Variants in MTM1 observed in about 807,000 individuals in gnomAD.
The protein encoded by MTM1 is myotubularin 1, also known as myotubularin.
MTM1 carries 9 observed loss-of-function variants against 52.1 expected under a neutral mutation model. That is an observed-to-expected ratio of 0.17 (90% CI 0.10 to 0.30). MTM1 has a LOEUF of 0.30. Among genes scored for constraint, MTM1 ranks in the 10% least tolerant of loss-of-function variants. MTM1 has a pLI of 1.00. For synonymous variants in MTM1, 136 were observed against 163.8 expected (o/e 0.83, Z 1.29); for missense variants, 277 against 470.7 (o/e 0.59, Z 3.81).
intron 4 of MTM1, among the ~76,000 whole-genome samples, chrX:150,603,830 A>G (rs1448191857): frequency 9.0e-6 from 1 of 111,726 alleles, no homozygotes; most frequent in Admixed American, 9.5e-5. Flanking sequence ...TAACATAAAA[A>G]GATATGGGCT....
intron 1 of MTM1, among the ~76,000 whole-genome samples, chrX:150,590,617 A>G (rs1443290265): frequency 9.0e-6 from 1 of 111,707 alleles, no homozygotes; most frequent in Non-Finnish European, 1.9e-5. Flanking sequence ...AAAACAGTTA[A>G]ATGAAGGGAA....
chrX:150,600,320 G>A (rs2039047457), intron 4 of MTM1, among the ~76,000 whole-genome samples: 1 of 112,037 alleles, frequency 8.9e-6, no homozygotes, highest in Non-Finnish European at 1.9e-5. Flanking sequence ...AATTGATATA[G>A]ATAACAATTA....
chrX:150,643,070 G>A (rs954191367), intron 8 of MTM1, among the ~76,000 whole-genome samples: 1 of 111,239 alleles, frequency 9.0e-6, no homozygotes. Context: ...ACTATTAAGC[G>A]TGGTAATATG....
chrX:150,652,656 T>TACACACACAC lies in MTM1; in HGVS notation c.1053+2756_1053+2757insCACACACACA, dbSNP rs1265035126. ...ATATACGTGTGTGTGTGTATATATA[T>TACACACACAC]ATACACACACACACACACACACACA... On this transcript the variant is annotated intron_variant, in intron 10 of 14. Transcript: ENST00000370396. Among the ~76,000 whole-genome samples, 27 of 44,144 alleles carry TACACACACAC rather than the reference T, an allele frequency of 6.1e-4. 1 individual carries two copies. Among genetic ancestry groups the TACACACACAC allele is most frequent in the African/African-American group, 2.2e-3 (27 of 12,041 alleles). 38.3% of individuals were successfully genotyped at this position (44,144 alleles called of 115,157 possible).
At chrX:150,634,007 C>T (rs1557413645) in intron 6 of MTM1, among the ~76,000 whole-genome samples, 1 of 112,518 alleles carries the variant, frequency 8.9e-6, no homozygotes, top group African/African-American at 3.2e-5. Context: ...TGCACTCCAG[C>T]GTGGGCGATA....
chrX:150,614,813 G>A, intron 5 of MTM1, 114 bp downstream of exon 5: 1 of 483,154 alleles, frequency 2.1e-6, no homozygotes, highest in Non-Finnish European at 3.6e-6. Context: ...TTCATCTAAG[G>A]CCCTGGAAAT....
At chrX:150,618,853 A>AT (rs2039430422) in intron 5 of MTM1, among the ~76,000 whole-genome samples, 185 bp from the exon 6 acceptor site, 1 of 110,889 alleles carries the variant, frequency 9.0e-6, no homozygotes, top group Non-Finnish European at 1.9e-5. Flanking sequence ...TGACGGAAAT[A>AT]TTTTCAGGTG....
intron 14 of MTM1, among the ~76,000 whole-genome samples, chrX:150,667,331 T>G (rs181835166): frequency 9.0e-6 from 1 of 111,614 alleles, no homozygotes; most frequent in Non-Finnish European, 1.9e-5. Context: ...TCCCCAAAAG[T>G]CACCTCTTCA....
At chrX:150,624,087 A>G (rs1278615400) in intron 6 of MTM1, among the ~76,000 whole-genome samples, 1 of 111,083 alleles carries the variant, frequency 9.0e-6, no homozygotes, top group Non-Finnish European at 1.9e-5. Flanking sequence ...TTCACCACTC[A>G]GTGTTTTCAA....
intron 1 of MTM1, among the ~76,000 whole-genome samples, chrX:150,581,275 A>G (rs2038579122): frequency 8.9e-6 from 1 of 111,880 alleles, no homozygotes; most frequent in Non-Finnish European, 1.9e-5. Flanking sequence ...AATACTTTGA[A>G]CAGTGGCCAC....
chrX:150,578,017 A>G (rs2038503333), intron 1 of MTM1, among the ~76,000 whole-genome samples: 1 of 112,106 alleles, frequency 8.9e-6, no homozygotes, highest in South Asian at 3.7e-4. Flanking sequence ...AATATAGACT[A>G]GAATATGGAA....
Position 150,656,649 on chromosome X carries a change from A to T in MTM1, c.1054-1172A>T, listed in dbSNP as rs140107779. Among the ~76,000 whole-genome samples the T allele has an allele frequency of 3.7e-3, 419 of 112,144 alleles. 3 individuals are homozygous for T. Among genetic ancestry groups the T allele is most frequent in the African/African-American group, 0.012 (376 of 30,876 alleles). On this transcript the variant is annotated intron_variant, in intron 10 of 14. Transcript: ENST00000370396. ...TTAACACCTGGGCACATTCAAATGC[A>T]GTGTCTGCAGCAAAAGTAACTATCA...
At chrX:150,572,723 G>A (rs1227999934) in intron 1 of MTM1, among the ~76,000 whole-genome samples, 5 of 112,247 alleles carry the variant, frequency 4.5e-5, no homozygotes, top group African/African-American at 1.6e-4. Flanking sequence ...GGATGCTTGT[G>A]CTTCTGGGGT....
chrX:150,613,510 A>G (rs1425183400), intron 4 of MTM1, among the ~76,000 whole-genome samples: 4 of 112,302 alleles, frequency 3.6e-5, no homozygotes, highest in Non-Finnish European at 5.6e-5. Context: ...AGTGATAGCC[A>G]TAAGTTCTTA....
At chrX:150,568,848 G>A (rs1557411330) in intron 1 of MTM1, among the ~76,000 whole-genome samples, 186 bp downstream of exon 1, 1 of 113,298 alleles carries the variant, frequency 8.8e-6, no homozygotes, top group African/African-American at 3.2e-5. Context: ...CAGGGCTGAG[G>A]CCAGGGAGCA....
chrX:150,593,620 G>A (rs1187321745), intron 2 of MTM1, among the ~76,000 whole-genome samples: 2 of 111,890 alleles, frequency 1.8e-5, no homozygotes, highest in African/African-American at 3.2e-5. Flanking sequence ...AGCAAAAGGT[G>A]ATCTTTTCAT....
intron 4 of MTM1, among the ~76,000 whole-genome samples, chrX:150,598,906 G>C (rs1208497059): frequency 1.8e-5 from 2 of 112,272 alleles, no homozygotes; most frequent in African/African-American, 6.5e-5. Context: ...TCATAATGGT[G>C]GGGGAGGGGT....
chrX:150,564,946 G>A (rs2038243939), upstream of MTM1, among the ~76,000 whole-genome samples: 1 of 111,696 alleles, frequency 9.0e-6, no homozygotes, highest in South Asian at 3.7e-4. Flanking sequence ...GTTAGACCTG[G>A]CATTCATGTG....
intron 3 of MTM1, 142 bp downstream of exon 3, chrX:150,596,712 T>C: frequency 4.2e-6 from 2 of 479,642 alleles, no homozygotes; most frequent in Non-Finnish European, 7.5e-6. Flanking sequence ...CAGAACTCTC[T>C]GCATCCCTTT....
Sources: gnomAD v4.1 joint callset for allele counts (sites outside exome capture counted in the v4.1 genomes callset) on GRCh38, gnomAD v4.1.1 for gene constraint, MANE v1.5 for transcripts, NCBI Gene and HGNC (gene_info 2026-07-23, HGNC 2026-07-21) for gene names.